Variants in GCFC2 observed in about 807,000 individuals in gnomAD.
The protein encoded by GCFC2 is GC-rich sequence DNA-binding factor 2.
Under a neutral mutation model 99.4 loss-of-function variants are expected in GCFC2, and 102 were observed. The ratio of observed to expected loss-of-function variants is 1.03; its 90% CI spans 0.87 to 1.21. GCFC2 has a LOEUF of 1.21. Ranked by LOEUF, GCFC2 falls within the 50% of genes most tolerant of loss-of-function variation. GCFC2 has a pLI of 0.00. For synonymous variants in GCFC2, 338 were observed against 316.8 expected (o/e 1.07, Z -0.71); for missense variants, 973 against 920.9 (o/e 1.06, Z -0.73).
chr2:75,690,554 G>T, intron 8 of GCFC2, 84 bp downstream of exon 8: 1 of 757,910 alleles, frequency 1.3e-6, no homozygotes, highest in South Asian at 1.5e-5. Context: ...TATAGTTAAT[G>T]ACATCATGTG....
At chr2:75,678,522 CCT>C (rs1164811213) in intron 12 of GCFC2, among the ~76,000 whole-genome samples, 2 of 152,098 alleles carry the variant, frequency 1.3e-5, no homozygotes, top group East Asian at 3.9e-4. Context: ...AAATGCCACC[CCT>C]AAGATAAATT....
Position 75,672,032 on chromosome 2 carries a change from C to T in GCFC2, c.1890-16G>A, listed in dbSNP as rs779524649. ...TTCTACAGCACTAATTAGAAACAAA[C>T]GAAAGAGAAGAGAAAATGCAAAGAA... On this transcript the variant is annotated splice_polypyrimidine_tract_variant and intron_variant, in intron 13 of 16. Coordinates refer to ENST00000321027, the MANE Select transcript of GCFC2 (RefSeq NM_003203.5). 58 of 1,432,432 alleles carry T rather than the reference C, an allele frequency of 4.0e-5. No homozygotes were observed. The South Asian group carries it at 4.5e-4, about 11-fold the overall frequency. The allele number at this position is 1,432,432 out of a possible 1,614,324, so 88.7% of individuals were successfully genotyped here. A position where few individuals can be genotyped will look rare whatever the true frequency, so the allele number is the denominator to read the frequency against.
At chr2:75,698,458 T>A (rs1003753080) in intron 4 of GCFC2, among the ~76,000 whole-genome samples, 7 of 152,186 alleles carry the variant, frequency 4.6e-5, no homozygotes, top group Non-Finnish European at 1.0e-4. Flanking sequence ...AGATTATGAT[T>A]CAGTGACTCC....
Position 75,664,678 on chromosome 2 carries a change from A to G in GCFC2, c.2334T>C (p.Ile778=). 1 of 1,380,584 alleles carries G rather than the reference A, an allele frequency of 7.2e-7. No individual in the cohort carries two copies. Among genetic ancestry groups the G allele is most frequent in the Non-Finnish European group, 1.0e-6 (1 of 975,104 alleles). 85.5% of individuals were successfully genotyped at this position (1,380,584 alleles called of 1,614,324 possible). A position where few individuals can be genotyped will look rare whatever the true frequency, so the allele number is the denominator to read the frequency against. Residue 778 remains isoleucine, a synonymous_variant, in exon 17 of 17, where the codon ATT becomes ATC. Coordinates refer to ENST00000321027, the MANE Select transcript of GCFC2 (RefSeq NM_003203.5). ...EHHLDHLKSL[I]KED is the part of the protein sequence containing the mutation. ...CAATAAAGTTTATTCAATCTTCTTT[A>G]ATTAGTGATTTAAGATGGTCTAGGT... is the stretch of plus-strand genomic sequence containing the variant.
intron 1 of GCFC2, among the ~76,000 whole-genome samples, chr2:75,708,080 G>A (rs1230736298): frequency 6.6e-6 from 1 of 152,158 alleles, no homozygotes; most frequent in Non-Finnish European, 1.5e-5. Context: ...TGAACTAGAC[G>A]TTGTTTTTAA....
chr2:75,672,175 T>A (rs1040520189), intron 13 of GCFC2, among the ~76,000 whole-genome samples, 159 bp from the exon 14 acceptor site: 5 of 146,372 alleles, frequency 3.4e-5, no homozygotes, highest in East Asian at 1.9e-4. Context: ...AAATATATAT[T>A]TATTTATAAA....
At chr2:75,666,457 A>T (rs900189058) in intron 15 of GCFC2, among the ~76,000 whole-genome samples, 1 of 152,192 alleles carries the variant, frequency 6.6e-6, no homozygotes, top group East Asian at 1.9e-4. Context: ...CTAGCATATG[A>T]TCTATATGGA....
intron 6 of GCFC2, among the ~76,000 whole-genome samples, chr2:75,692,581 A>G (rs1459168889): frequency 1.3e-5 from 2 of 151,500 alleles, no homozygotes; most frequent in African/African-American, 2.4e-5. Flanking sequence ...CTGGAGGTGG[A>G]GGTTACAGTG....
In GCFC2 at chr2:75,687,908, C is replaced by T. The variant is rs1299985556; in HGVS notation, c.1609G>A (p.Glu537Lys). ...SVEEFMDSSV[E>K]DSKKESSSDK... ...GAACTACTTTCCTTCTTTGAATCTT[C>T]CACACTGCTATCCATAAATTCTTCT... Residue 537 changes from glutamate to lysine, a missense_variant, in exon 11 of 17, where the codon GAA becomes AAA. By Grantham distance (56) the Glu-to-Lys change is moderately conservative. Transcript: ENST00000321027. The T allele has an allele frequency of 6.2e-7, 1 of 1,602,058 alleles. No homozygotes were observed. The highest frequency in any genetic ancestry group is 1.3e-5 in the African/African-American group (1 of 74,542).
At chr2:75,677,519 G>A (rs985035700) in intron 12 of GCFC2, among the ~76,000 whole-genome samples, 2 of 152,160 alleles carry the variant, frequency 1.3e-5, no homozygotes, top group South Asian at 2.1e-4. Context: ...GCACAAGCCA[G>A]GGATGCTGCT....
intron 16 of GCFC2, among the ~76,000 whole-genome samples, chr2:75,665,151 A>ATT (rs530564605): frequency 6.9e-6 from 1 of 144,440 alleles, no homozygotes. Flanking sequence ...TACAAATCTG[A>ATT]TTTTTTTTTT....
Position 75,672,021 on chromosome 2 carries a change from T to C in GCFC2, c.1890-5A>G. ...GATGTTTTGTTTTCTACAGCACTAA[T>C]TAGAAACAAACGAAAGAGAAGAGAA... On this transcript the variant is annotated splice_polypyrimidine_tract_variant and splice_region_variant and intron_variant, in intron 13 of 16. Coordinates refer to ENST00000321027, the MANE Select transcript of GCFC2 (RefSeq NM_003203.5). 6.6e-7 allele frequency: 1 copy of C among 1,509,786 alleles called. No individual in the cohort carries two copies. Among genetic ancestry groups the C allele is most frequent in the Non-Finnish European group, 9.2e-7 (1 of 1,087,602 alleles). 93.5% of individuals were successfully genotyped at this position (1,509,786 alleles called of 1,614,324 possible).
rs1573104454 is a variant in GCFC2, at chr2:75,710,677, C to G, written c.179G>C (p.Arg60Pro). The change falls in exon 1 of 17, where the codon CGG becomes CCG. Residue 60 changes from arginine to proline, a missense_variant. Transcript: ENST00000321027. ...GRAQVAGLPH[R>P]VRGPRGRGRV... Reference sequence around the variant, plus strand: ...GCCCCGGCCACGAGGGCCCCGAACCCGGTGGGGCAGTCCCGCCACCTGCGC... The same window carrying G: ...GCCCCGGCCACGAGGGCCCCGAACCGGGTGGGGCAGTCCCGCCACCTGCGC... 3.3e-6 allele frequency: 5 copies of G among 1,523,996 alleles called. No homozygotes were observed. The South Asian group carries it at 4.8e-5, about 15-fold the overall frequency. 94.4% of individuals were successfully genotyped at this position (1,523,996 alleles called of 1,614,324 possible).
chr2:75,690,368 G>T (rs566637728), intron 8 of GCFC2: 66 of 500,330 alleles, frequency 1.3e-4, no homozygotes, highest in South Asian at 1.2e-3. Flanking sequence ...CCGAAGAGGG[G>T]GTAATTATAA....
At chr2:75,711,977 GGCAGGCAGCTCC>G (rs1261376469), upstream of GCFC2, among the ~76,000 whole-genome samples, 1 of 152,258 alleles carries the variant, frequency 6.6e-6, no homozygotes, top group African/African-American at 2.4e-5. Context: ...GCGCCGGACT[GGCAGGCAGCTCC>G]ACCTGCAGCC....
intron 6 of GCFC2, among the ~76,000 whole-genome samples, chr2:75,692,393 C>G (rs1031082759): frequency 1.3e-5 from 2 of 151,986 alleles, no homozygotes; most frequent in African/African-American, 2.4e-5. Flanking sequence ...TAGCTCATGC[C>G]TGTTATCCCA....
In GCFC2 at chr2:75,663,094, T is replaced by A. The variant is rs1271933568; in HGVS notation, c.*1572A>T. ...TTCTAGATGAGATTCTATCCTTGTA[T>A]AATTTTGTTACTAATATAAACATCA... On this transcript the variant is annotated 3_prime_UTR_variant, in exon 17 of 17. Coordinates refer to ENST00000321027, the MANE Select transcript of GCFC2 (RefSeq NM_003203.5). 2 of 152,196 alleles carry A rather than the reference T, an allele frequency of 1.3e-5. No homozygotes were observed. The highest frequency in any genetic ancestry group is 1.3e-4 in the Admixed American group (2 of 15,272). The allele number at this position is 152,196 out of a possible 1,614,324, so 9.4% of individuals were successfully genotyped here. A position where few individuals can be genotyped will look rare whatever the true frequency, so the allele number is the denominator to read the frequency against.
At position 75,670,285 on chromosome 2, in the gene GCFC2, C is replaced by G; in HGVS notation, c.1957-1G>C. ...TCCAAAGAAGAATATTGCGGAAGAG[C>G]TAAAATAAAATATCAAGTAAATATG... On this transcript the variant is annotated splice_acceptor_variant, in intron 14 of 16. Coordinates refer to ENST00000321027, the MANE Select transcript of GCFC2 (RefSeq NM_003203.5). LOFTEE classifies it high-confidence loss of function. The G allele has an allele frequency of 3.8e-6, 6 of 1,589,690 alleles. No homozygotes were observed. The highest frequency in any genetic ancestry group is 5.2e-6 in the Non-Finnish European group (6 of 1,158,756).
upstream of GCFC2, chr2:75,710,955 C>T (rs898763113): frequency 2.2e-6 from 3 of 1,367,888 alleles, no homozygotes; most frequent in Non-Finnish European, 1.9e-6. Context: ...GCCTGGCCGC[C>T]GAGTGCGCGC....
Sources: gnomAD v4.1 joint callset for allele counts (sites outside exome capture counted in the v4.1 genomes callset) on GRCh38, gnomAD v4.1.1 for gene constraint, MANE v1.5 for transcripts, NCBI Gene and HGNC (gene_info 2026-07-23, HGNC 2026-07-21) for gene names.